The following ATP2B2 variants were observed in gnomAD, a reference collection of about 807,000 sequenced individuals.
The protein encoded by ATP2B2 is plasma membrane calcium-transporting ATPase 2.
ATP2B2 carries 15 observed loss-of-function variants against 120.0 expected under a neutral mutation model. The observed-to-expected ratio is 0.12, with a 90% CI of 0.08 to 0.19. ATP2B2 has a LOEUF of 0.19. Ranked by LOEUF, ATP2B2 falls within the 10% of genes least tolerant of loss-of-function variation. ATP2B2 has a pLI of 1.00. For missense variants in ATP2B2, 1,045 were observed against 1,719.8 expected (o/e 0.61, Z 6.94); for synonymous variants, 694 against 700.3 (o/e 0.99, Z 0.14).
chr3:10,510,653 A>G (rs1272148060), intron 3 of ATP2B2, among the ~76,000 whole-genome samples: 1 of 152,252 alleles, frequency 6.6e-6, no homozygotes, highest in Non-Finnish European at 1.5e-5. Context: ...GGCCAAGGTC[A>G]GAGCCATGAG....
Position 10,375,689 on chromosome 3 carries a change from G to A in ATP2B2, c.1202-45C>T, listed in dbSNP as rs760694824. ...TGCTTGGGGGGTTCCAGGAAGTGGA[G>A]GCTGGGGGTGGTGTGGACCAAATCT... On this transcript the variant is annotated intron_variant, in intron 10 of 22. Transcript: ENST00000360273. The surrounding 1 kb of genome is among the most constrained non-coding windows in gnomAD (Gnocchi z 4.2). 1 of 1,571,242 alleles carries A rather than the reference G, an allele frequency of 6.4e-7. No homozygotes were observed. The highest frequency in any genetic ancestry group is 8.7e-7 in the Non-Finnish European group (1 of 1,145,278).
At chr3:10,537,693 T>A (rs1189949301) in intron 2 of ATP2B2, among the ~76,000 whole-genome samples, 2 of 152,216 alleles carry the variant, frequency 1.3e-5, no homozygotes, top group Non-Finnish European at 2.9e-5. Context: ...TTGCACTAGC[T>A]ATAGCTTTTA....
At chr3:10,494,934 T>C (rs1270791497) in intron 1 of ATP2B2, among the ~76,000 whole-genome samples, 1 of 152,180 alleles carries the variant, frequency 6.6e-6, no homozygotes, top group Non-Finnish European at 1.5e-5. Flanking sequence ...AGCTTGTCAG[T>C]GGCAAAGTTG....
chr3:10,644,680 T>C (rs2070273728), intron 1 of ATP2B2, among the ~76,000 whole-genome samples: 1 of 152,178 alleles, frequency 6.6e-6, no homozygotes, highest in Admixed American at 6.5e-5. Flanking sequence ...TTATATGCAA[T>C]GTCTAGAATC....
rs969176257 is a variant in ATP2B2 at position 10,340,976 on chromosome 3, G to A, written c.2918-272C>T. Among the ~76,000 whole-genome samples, 1 of 152,116 alleles carries A rather than the reference G, an allele frequency of 6.6e-6. No homozygotes were observed. The highest frequency in any genetic ancestry group is 2.4e-5 in the African/African-American group (1 of 41,402). On this transcript the variant is annotated intron_variant, in intron 19 of 22. Coordinates refer to ENST00000360273, the MANE Select transcript of ATP2B2 (RefSeq NM_001001331.4). The surrounding 1 kb of genome is among the most constrained non-coding windows in gnomAD (Gnocchi z 5.0). ...GGAAACCCGATAAAGGTGGACGGCC[G>A]GCTGTGTTAAAGGTGGGCGACATGG...
chr3:10,607,985 C>T (rs2069131126), intron 2 of ATP2B2, among the ~76,000 whole-genome samples: 1 of 152,184 alleles, frequency 6.6e-6, no homozygotes, highest in Non-Finnish European at 1.5e-5. Flanking sequence ...CCTCTCTCAT[C>T]AAGAGGCAGC....
chr3:10,351,407 C>T lies in ATP2B2; in HGVS notation c.2137-830G>A, dbSNP rs3774190. Reference sequence around the variant, plus strand: ...TAATAAAATAATATTTGCTGCAGAACGTCTTTCAGTGGGAGAGAACATGTC... The same window carrying T: ...TAATAAAATAATATTTGCTGCAGAATGTCTTTCAGTGGGAGAGAACATGTC... On this transcript the variant is annotated intron_variant, in intron 14 of 22. Transcript: ENST00000360273. 2.5e-3 allele frequency among the ~76,000 whole-genome samples: 385 copies of T among 152,332 alleles called. 16 individuals are homozygous for T. In the East Asian group the frequency reaches 0.064, roughly 25 times the overall value.
At chr3:10,689,413 C>T (rs529776024) in intron 1 of ATP2B2, among the ~76,000 whole-genome samples, 37 of 152,272 alleles carry the variant, frequency 2.4e-4, no homozygotes, top group Admixed American at 6.5e-4. Context: ...ATAACACCTC[C>T]TGTCCAAATA....
intron 3 of ATP2B2, among the ~76,000 whole-genome samples, chr3:10,513,497 A>T (rs755264103): frequency 6.6e-6 from 1 of 152,092 alleles, no homozygotes; most frequent in Non-Finnish European, 1.5e-5. Flanking sequence ...GAACCCGAAG[A>T]TGAACACGAA....
intron 1 of ATP2B2, among the ~76,000 whole-genome samples, chr3:10,450,763 C>T (rs1367895801): frequency 5.9e-5 from 9 of 152,216 alleles, no homozygotes; most frequent in African/African-American, 1.9e-4. Flanking sequence ...TCTGGCTTCT[C>T]CCTGCCCGCC....
rs7621697 is a variant in ATP2B2 at position 10,403,596 on chromosome 3, C to T, written c.398-1248G>A. ...CAGGACGCACCCAGGCCTTCATTTC[C>T]TCTGGGACCTGGGGAGCGGCCATTT... is the stretch of plus-strand genomic sequence containing the variant. On this transcript the variant is annotated intron_variant, in intron 3 of 22. Coordinates refer to ENST00000360273, the MANE Select transcript of ATP2B2 (RefSeq NM_001001331.4). Among the ~76,000 whole-genome samples, 383 of 152,352 alleles carry T rather than the reference C, an allele frequency of 2.5e-3. 3 individuals are homozygous for T. Among genetic ancestry groups the T allele is most frequent in the African/African-American group, 8.9e-3 (370 of 41,580 alleles).
At chr3:10,467,838 C>T (rs1376412214) in intron 1 of ATP2B2, among the ~76,000 whole-genome samples, 3 of 148,524 alleles carry the variant, frequency 2.0e-5, no homozygotes, top group African/African-American at 7.9e-5. Context: ...TTTATAACCA[C>T]CCCCTGCTGC....
intron 1 of ATP2B2, among the ~76,000 whole-genome samples, chr3:10,641,634 T>C (rs1196638836): frequency 3.3e-5 from 5 of 152,192 alleles, no homozygotes; most frequent in Middle Eastern, 3.2e-3. Context: ...AGAACAAGAA[T>C]GGAGATTATT....
intron 2 of ATP2B2, among the ~76,000 whole-genome samples, chr3:10,446,832 C>T (rs956465037): frequency 3.3e-5 from 5 of 152,220 alleles, no homozygotes; most frequent in African/African-American, 4.8e-5. Flanking sequence ...CAAAGGCACA[C>T]GGCTGGCAGG....
At chr3:10,466,373 C>G (rs1396453253) in intron 1 of ATP2B2, among the ~76,000 whole-genome samples, 1 of 152,148 alleles carries the variant, frequency 6.6e-6, no homozygotes, top group Non-Finnish European at 1.5e-5. Flanking sequence ...TATAAGCTAG[C>G]CTGCACACGT....
rs1220905734 is a variant in ATP2B2 at position 10,642,753 on chromosome 3, G to C, written c.-459-22792C>G. Among the ~76,000 whole-genome samples the C allele has an allele frequency of 2.0e-5, 3 of 151,810 alleles. No homozygotes were observed. In the East Asian group the frequency reaches 5.8e-4, roughly 29 times the overall value. ...TAATCTGCTTTGGGTCCCTGCCATG[G>C]TGGGCTGGATGTTTCATATGTGTGA... On this transcript the variant is annotated intron_variant, in intron 1 of 21. Transcript: ENST00000646379.
At chr3:10,546,415 C>A (rs1227677689) in intron 2 of ATP2B2, among the ~76,000 whole-genome samples, 1 of 152,202 alleles carries the variant, frequency 6.6e-6, no homozygotes, top group Non-Finnish European at 1.5e-5. Flanking sequence ...TGGGCCCACC[C>A]TGCCCAGCCC....
intron 1 of ATP2B2, among the ~76,000 whole-genome samples, chr3:10,629,689 C>A (rs1441770592): frequency 2.0e-5 from 3 of 152,198 alleles, no homozygotes; most frequent in Non-Finnish European, 4.4e-5. Context: ...AGCTCCACTG[C>A]CCAAGCTTCA....
intron 4 of ATP2B2, among the ~76,000 whole-genome samples, chr3:10,401,465 G>C (rs1399848616): frequency 1.3e-5 from 2 of 152,190 alleles, no homozygotes; most frequent in Non-Finnish European, 2.9e-5. Flanking sequence ...AGGTTTAGAA[G>C]ACCGCAACCA....
Sources: gnomAD v4.1 joint callset for allele counts (sites outside exome capture counted in the v4.1 genomes callset) on GRCh38, gnomAD v4.1.1 for gene constraint, Gnocchi (gnomAD v3.1) non-coding constraint, MANE v1.5 for transcripts, NCBI Gene and HGNC (gene_info 2026-07-23, HGNC 2026-07-21) for gene names.